The following CSMD1 variants were observed in gnomAD, a reference collection of about 807,000 sequenced individuals.
CSMD1 encodes the protein CUB and sushi domain-containing protein 1.
Under a neutral mutation model 417.5 loss-of-function variants are expected in CSMD1, and 213 were observed. The observed-to-expected ratio is 0.51, with a 90% CI of 0.46 to 0.57. The LOEUF is 0.57. CSMD1 is among the 20% of genes least tolerant of loss of function. The probability of loss-of-function intolerance (pLI) is 0.00; values close to 1 mark genes in which losing one functional copy is unlikely to be tolerated. For synonymous variants in CSMD1, 2,862 were observed against 1,736.8 expected (o/e 1.65, Z -16.11); for missense variants, 6,923 against 4,529.7 (o/e 1.53, Z -15.17).
chr8:4,274,922 G>C (rs116617227), intron 3 of CSMD1, among the ~76,000 whole-genome samples: 1 of 152,052 alleles, frequency 6.6e-6, no homozygotes. Flanking sequence ...GTTGTGTCTT[G>C]GCCACATTCA....
intron 7 of CSMD1, among the ~76,000 whole-genome samples, chr8:3,670,528 T>C (rs1798940447): frequency 1.9e-5 from 2 of 104,786 alleles, no homozygotes; most frequent in Admixed American, 1.9e-4. Context: ...CCTATATACA[T>C]ATATCCCATA....
At chr8:4,370,108 C>A (rs1802313553) in intron 3 of CSMD1, among the ~76,000 whole-genome samples, 1 of 151,920 alleles carries the variant, frequency 6.6e-6, no homozygotes, top group Non-Finnish European at 1.5e-5. Context: ...ATTTAGCATG[C>A]CTTTTAGATA....
At chr8:4,199,210 C>G (rs991756816) in intron 3 of CSMD1, among the ~76,000 whole-genome samples, 1 of 144,814 alleles carries the variant, frequency 6.9e-6, no homozygotes, top group African/African-American at 2.6e-5. Context: ...AATACAATAC[C>G]AAATATCCTC....
At chr8:3,711,205 C>T (rs368167027) in intron 6 of CSMD1, among the ~76,000 whole-genome samples, 197 of 152,290 alleles carry the variant, frequency 1.3e-3, no homozygotes, top group Middle Eastern at 3.4e-3. Context: ...CTTTTCCCAA[C>T]AGTGTAGCTT....
At chr8:4,440,050 C>T (rs899133246) in intron 2 of CSMD1, among the ~76,000 whole-genome samples, 2 of 152,098 alleles carry the variant, frequency 1.3e-5, no homozygotes, top group Admixed American at 1.3e-4. Flanking sequence ...TCTAAAATAG[C>T]AGTGATCAAC....
chr8:4,650,974 T>C (rs952739501), intron 1 of CSMD1, among the ~76,000 whole-genome samples: 11 of 152,198 alleles, frequency 7.2e-5, no homozygotes, highest in Admixed American at 3.3e-4. Context: ...ATAAGTTAAA[T>C]ATTGATAACA....
At chr8:4,231,358 T>A (rs1339609002) in intron 3 of CSMD1, among the ~76,000 whole-genome samples, 1 of 152,180 alleles carries the variant, frequency 6.6e-6, no homozygotes, top group African/African-American at 2.4e-5. Flanking sequence ...CTAGCATTGC[T>A]GGATAATTTT....
intron 50 of CSMD1, among the ~76,000 whole-genome samples, chr8:3,030,193 C>A (rs1810251271): frequency 1.3e-5 from 2 of 151,718 alleles, no homozygotes; most frequent in Non-Finnish European, 2.9e-5. Flanking sequence ...ATACTATTAC[C>A]AGGGTGGACT....
At chr8:4,927,837 C>T (rs1806974221) in intron 1 of CSMD1, among the ~76,000 whole-genome samples, 1 of 152,210 alleles carries the variant, frequency 6.6e-6, no homozygotes. Context: ...ATCCTCCAAA[C>T]TCTGCCTTCA....
At chr8:3,773,025 G>A (rs1329309127) in intron 5 of CSMD1, among the ~76,000 whole-genome samples, 2 of 152,114 alleles carry the variant, frequency 1.3e-5, no homozygotes, top group Non-Finnish European at 2.9e-5. Flanking sequence ...CCTCCTCCCT[G>A]TACCTTCCCA....
At chr8:3,199,244 A>G (rs1197279653) in intron 33 of CSMD1, among the ~76,000 whole-genome samples, 1 of 152,216 alleles carries the variant, frequency 6.6e-6, no homozygotes, top group Non-Finnish European at 1.5e-5. Context: ...TTAGGATAAG[A>G]GATGCATGCG....
chr8:4,864,601 T>C (rs186338826), intron 1 of CSMD1, among the ~76,000 whole-genome samples: 111 of 151,854 alleles, frequency 7.3e-4, no homozygotes, highest in African/African-American at 2.6e-3. Flanking sequence ...ATATCATTAT[T>C]ATAGTTACTA....
chr8:3,636,503 A>G (rs1196475550), intron 7 of CSMD1, among the ~76,000 whole-genome samples: 1 of 152,168 alleles, frequency 6.6e-6, no homozygotes, highest in Non-Finnish European at 1.5e-5. Flanking sequence ...TTAGGAGTCT[A>G]TCTAAGCCAG....
chr8:4,315,310 G>C (rs908523574), intron 3 of CSMD1, among the ~76,000 whole-genome samples: 2 of 152,124 alleles, frequency 1.3e-5, no homozygotes, highest in African/African-American at 4.8e-5. Context: ...TTACCCTAAG[G>C]TCCACAGCGT....
chr8:4,383,173 G>A (rs1179424834), intron 3 of CSMD1, among the ~76,000 whole-genome samples: 2 of 152,152 alleles, frequency 1.3e-5, no homozygotes, highest in East Asian at 1.9e-4. Context: ...CTTAGCTCCA[G>A]ATGACATTCA....
intron 5 of CSMD1, among the ~76,000 whole-genome samples, chr8:3,996,367 G>A (rs140898824): frequency 5.9e-5 from 9 of 152,150 alleles, no homozygotes; most frequent in African/African-American, 1.7e-4. Flanking sequence ...CTAGGAAGAG[G>A]TGAGATCACT....
chr8:4,400,942 A>G (rs771075835), intron 3 of CSMD1, among the ~76,000 whole-genome samples: 2 of 104,306 alleles, frequency 1.9e-5, no homozygotes, highest in Non-Finnish European at 2.1e-5. Context: ...TCACAACTTT[A>G]TTTTAGATAA....
chr8:4,049,752 G>C (rs781302363), intron 3 of CSMD1, among the ~76,000 whole-genome samples: 7 of 152,096 alleles, frequency 4.6e-5, no homozygotes, highest in African/African-American at 7.2e-5. Context: ...AAATAGTAGA[G>C]AATCTCCATA....
intron 49 of CSMD1, among the ~76,000 whole-genome samples, chr8:3,078,393 A>C (rs1421862742): frequency 6.6e-6 from 1 of 152,234 alleles, no homozygotes; most frequent in Non-Finnish European, 1.5e-5. Context: ...TAATGAATAA[A>C]CATGCTGGAT....
Sources: allele counts gnomAD v4.1 joint callset (sites outside exome capture counted in the v4.1 genomes callset), GRCh38; gene constraint gnomAD v4.1.1; transcripts MANE v1.5; gene names NCBI Gene and HGNC (gene_info 2026-07-23, HGNC 2026-07-21).